The following GALNT15 variants were observed in gnomAD, a reference collection of about 807,000 sequenced individuals.
The protein encoded by GALNT15 is UDP-GalNAc transferase T15.
GALNT15 carries 67 observed loss-of-function variants against 66.8 expected under a neutral mutation model. The observed-to-expected ratio is 1.00, with a 90% CI of 0.82 to 1.23. The LOEUF is 1.23. Among genes scored for constraint, GALNT15 ranks in the 50% most tolerant of loss-of-function variants. GALNT15 has a pLI of 0.00. For synonymous variants in GALNT15, 313 were observed against 311.5 expected, an observed-to-expected ratio of 1.00 and a Z score of -0.05; for missense variants, 827 against 804.3, an observed-to-expected ratio of 1.03 and a Z score of -0.34.
In GALNT15 at chr3:16,183,811, C is replaced by G. The variant is rs1018437533; in HGVS notation, c.539+8121C>G. The stretch of plus-strand genomic sequence containing the variant: ...GAGGGAGGGAAGAGCGTCAGTACTA[C>G]AGCCAGGCCATCTGGTGCAATGCTG... On this transcript the variant is annotated intron_variant, in intron 1 of 9. Coordinates refer to ENST00000339732, the MANE Select transcript of GALNT15 (RefSeq NM_054110.5). The surrounding 1 kb of genome is among the most constrained non-coding windows in gnomAD (Gnocchi z 5.2). 6.6e-6 allele frequency among the ~76,000 whole-genome samples: 1 copy of G among 151,986 alleles called. No homozygotes were observed. Among genetic ancestry groups the G allele is most frequent in the Non-Finnish European group, 1.5e-5 (1 of 67,986 alleles).
At chr3:16,179,903 G>A (rs914644538) in intron 1 of GALNT15, among the ~76,000 whole-genome samples, 28 of 152,276 alleles carry the variant, frequency 1.8e-4, no homozygotes, top group African/African-American at 5.8e-4. Context: ...AAGAAGGGGC[G>A]GGAGGAACAA....
rs573579399 is a variant in GALNT15, at chr3:16,195,085, A to C, written c.540-675A>C. Among the ~76,000 whole-genome samples the C allele has an allele frequency of 7.2e-5, 11 of 152,346 alleles. No homozygotes were observed. In the South Asian group the frequency reaches 1.0e-3, roughly 14 times the overall value. On this transcript the variant is annotated intron_variant, in intron 1 of 9. Transcript: ENST00000339732. This position sits in a 1 kb window ranked among gnomAD's most constrained non-coding sequence, Gnocchi z 4.6. ...AAAAATAAAGAAAATAGTGTCCCTG[A>C]CCTTGAATGGATGACAGAGATTACT... is the stretch of plus-strand genomic sequence containing the variant.
chr3:16,221,815 A>G (rs1460417935), intron 8 of GALNT15, among the ~76,000 whole-genome samples: 1 of 152,234 alleles, frequency 6.6e-6, no homozygotes, highest in Non-Finnish European at 1.5e-5. Flanking sequence ...CTAATTGTGT[A>G]GCTTGGGAAT....
Position 16,209,449 on chromosome 3 carries a change from A to G in GALNT15, c.1079+779A>G, listed in dbSNP as rs1407919584. Among the ~76,000 whole-genome samples the G allele has an allele frequency of 6.6e-6, 1 of 152,220 alleles. No individual in the cohort carries two copies. Among genetic ancestry groups the G allele is most frequent in the Non-Finnish European group, 1.5e-5 (1 of 68,046 alleles). Reference sequence around the variant, plus strand: ...GCTTCACTGCTATGCTATATTTTAAATACAAGGCCACAGTTCATTATTCAC... The same window carrying G: ...GCTTCACTGCTATGCTATATTTTAAGTACAAGGCCACAGTTCATTATTCAC... On this transcript the variant is annotated intron_variant, in intron 4 of 9. Transcript: ENST00000339732. This position sits in a 1 kb window ranked among gnomAD's most constrained non-coding sequence, Gnocchi z 4.1.
chr3:16,226,050 GAAAA>G (rs34201320), intron 9 of GALNT15, among the ~76,000 whole-genome samples: 1 of 139,786 alleles, frequency 7.2e-6, no homozygotes. Flanking sequence ...CTCCTTCTTG[GAAAA>G]AAAAAAAAAA....
At chr3:16,201,550 G>A (rs535033268) in intron 3 of GALNT15, among the ~76,000 whole-genome samples, 22 of 152,218 alleles carry the variant, frequency 1.4e-4, no homozygotes, top group African/African-American at 2.4e-4. Context: ...ACACTAGGCC[G>A]TAGATTACTC....
the GALNT15 span, among the ~76,000 whole-genome samples, chr3:16,242,721 G>A: frequency 5.3e-5 from 8 of 152,300 alleles, no homozygotes; most frequent in Non-Finnish European, 8.8e-5. The surrounding 1 kb of genome is among the most constrained non-coding windows in gnomAD (Gnocchi z 5.6). Context: ...CAAGGCTGCC[G>A]TGAGCCGTGA....
rs753996241 is a variant in GALNT15 at position 16,211,268 on chromosome 3, AG to A, written c.1197+29del. 3.5e-6 allele frequency: 5 copies of A among 1,448,940 alleles called. No homozygotes were observed. The African/African-American group carries it at 7.0e-5, about 20-fold the overall frequency. The allele number at this position is 1,448,940 out of a possible 1,614,324, so 89.8% of individuals were successfully genotyped here. On this transcript the variant is annotated intron_variant, in intron 5 of 9. Coordinates refer to ENST00000339732, the MANE Select transcript of GALNT15 (RefSeq NM_054110.5). This position sits in a 1 kb window ranked among gnomAD's most constrained non-coding sequence, Gnocchi z 4.3. ...TATGTCCTGGACCAAGGGAGGACAG[AG>A]GTGGGATCTCTGGAGTGGTGTGTAT...
chr3:16,208,421 T>G (rs927622354), intron 3 of GALNT15, 82 bp from the exon 4 acceptor site: 1 of 1,433,042 alleles, frequency 7.0e-7, no homozygotes, highest in Non-Finnish European at 9.6e-7. Flanking sequence ...GCCACCATAC[T>G]GGGCAGCCCA....
chr3:16,224,846 A>G lies in GALNT15; in HGVS notation c.1773+2088A>G, dbSNP rs959392750. Among the ~76,000 whole-genome samples, 1 of 152,082 alleles carries G rather than the reference A, an allele frequency of 6.6e-6. No individual in the cohort carries two copies. The highest frequency in any genetic ancestry group is 2.4e-5 in the African/African-American group (1 of 41,404). On this transcript the variant is annotated intron_variant, in intron 9 of 9. Transcript: ENST00000339732. This position sits in a 1 kb window ranked among gnomAD's most constrained non-coding sequence, Gnocchi z 5.2. The stretch of plus-strand genomic sequence containing the variant: ...AGACGGGGTTTCCTCCATGTTGGCC[A>G]GGCTGGTCTCGAACTCCTGACATCA...
downstream of GALNT15, chr3:16,231,990 G>A (rs2064086440): frequency 6.8e-7 from 1 of 1,467,128 alleles, no homozygotes; most frequent in South Asian, 1.4e-5. This position sits in a 1 kb window ranked among gnomAD's most constrained non-coding sequence, Gnocchi z 4.1. Flanking sequence ...CAGAAAAACT[G>A]GAGCTGCTAT....
intron 3 of GALNT15, among the ~76,000 whole-genome samples, chr3:16,201,281 A>C (rs1415039618): frequency 6.6e-6 from 1 of 151,984 alleles, no homozygotes; most frequent in Non-Finnish European, 1.5e-5. Context: ...TCCCGGGTTC[A>C]CGCCATTCTC....
chr3:16,182,194 C>T lies in GALNT15; in HGVS notation c.539+6504C>T, dbSNP rs1332068453. On this transcript the variant is annotated intron_variant, in intron 1 of 9. Coordinates refer to ENST00000339732, the MANE Select transcript of GALNT15 (RefSeq NM_054110.5). This position sits in a 1 kb window ranked among gnomAD's most constrained non-coding sequence, Gnocchi z 6.1. ...CCTCAGAAATGCAGACCCTTCAGAC[C>T]CCACTTAAACCTACTAGATGAAATC... Among the ~76,000 whole-genome samples the T allele has an allele frequency of 6.6e-6, 1 of 151,988 alleles. No individual in the cohort carries two copies. The highest frequency in any genetic ancestry group is 2.4e-5 in the African/African-American group (1 of 41,348).
At chr3:16,237,893 C>T in the GALNT15 span, among the ~76,000 whole-genome samples, 3 of 152,304 alleles carry the variant, frequency 2.0e-5, no homozygotes, top group African/African-American at 7.2e-5. This position sits in a 1 kb window ranked among gnomAD's most constrained non-coding sequence, Gnocchi z 4.2. Flanking sequence ...CCTCACCCCT[C>T]AGCTTGTCAG....
In GALNT15 at chr3:16,195,314, T is replaced by C. The variant is rs1193684955; in HGVS notation, c.540-446T>C. On this transcript the variant is annotated intron_variant, in intron 1 of 9. Transcript: ENST00000339732. This position sits in a 1 kb window ranked among gnomAD's most constrained non-coding sequence, Gnocchi z 4.6. ...GCAGCATCGGCATCACCTGGGAGCT[T>C]GTTAGAAATGCAAATTCTTCAGCCC... is the stretch of plus-strand genomic sequence containing the variant. Among the ~76,000 whole-genome samples, 1 of 152,152 alleles carries C rather than the reference T, an allele frequency of 6.6e-6. No individual in the cohort carries two copies. The highest frequency in any genetic ancestry group is 1.5e-5 in the Non-Finnish European group (1 of 68,034).
intron 1 of GALNT15, among the ~76,000 whole-genome samples, chr3:16,192,339 C>T (rs527586067): frequency 6.6e-6 from 1 of 152,210 alleles, no homozygotes; most frequent in South Asian, 2.1e-4. Context: ...GCAGACAGGA[C>T]TGACTTTGGT....
chr3:16,223,422 C>A (rs1212354085), intron 9 of GALNT15, among the ~76,000 whole-genome samples: 1 of 152,160 alleles, frequency 6.6e-6, no homozygotes, highest in Non-Finnish European at 1.5e-5. Context: ...ACTTCAAATT[C>A]TTCCTGAAAT....
downstream of GALNT15, among the ~76,000 whole-genome samples, chr3:16,230,587 AAG>A (rs201535204): frequency 0.029 from 4,307 of 148,002 alleles, 77 homozygotes; most frequent in Non-Finnish European, 0.037. This position sits in a 1 kb window ranked among gnomAD's most constrained non-coding sequence, Gnocchi z 4.5. Flanking sequence ...TTCAAAAAAA[AAG>A]AAAAGAAAAA....
chr3:16,198,417 C>T (rs1351324321), intron 2 of GALNT15, among the ~76,000 whole-genome samples: 1 of 142,446 alleles, frequency 7.0e-6, no homozygotes, highest in African/African-American at 2.6e-5. Flanking sequence ...TCTACCAGAG[C>T]TGCTGCCAGC....
Sources: allele counts gnomAD v4.1 joint callset (sites outside exome capture counted in the v4.1 genomes callset), GRCh38; gene constraint gnomAD v4.1.1; non-coding constraint Gnocchi (gnomAD v3.1); transcripts MANE v1.5; gene names NCBI Gene and HGNC (gene_info 2026-07-23, HGNC 2026-07-21).